Variants in FADS2 observed in about 807,000 individuals in gnomAD.
The protein encoded by FADS2 is acyl-CoA 6-desaturase.
FADS2 carries 18 observed loss-of-function variants against 61.2 expected under a neutral mutation model. The observed-to-expected ratio is 0.29, with a 90% CI of 0.20 to 0.44. The LOEUF (loss-of-function observed/expected upper bound fraction) is 0.44, where lower values mean the gene tolerates loss of function less well. FADS2 is among the 20% of genes least tolerant of loss of function. The pLI is 1.00. For synonymous variants in FADS2, 203 were observed against 223.9 expected, an observed-to-expected ratio of 0.91 and a Z score of 0.83; for missense variants, 322 against 572.7, an observed-to-expected ratio of 0.56 and a Z score of 4.47.
At chr11:61,864,894 C>G (rs1425925853) in intron 10 of FADS2, among the ~76,000 whole-genome samples, 1 of 152,150 alleles carries the variant, frequency 6.6e-6, no homozygotes, top group Admixed American at 6.5e-5. Flanking sequence ...AAAAACATGA[C>G]ACTTTGTCTC....
intron 1 of FADS2, among the ~76,000 whole-genome samples, chr11:61,835,720 C>T (rs1049211411): frequency 9.2e-5 from 14 of 152,128 alleles, no homozygotes; most frequent in African/African-American, 3.4e-4. Flanking sequence ...TGAAATTTTC[C>T]CAACATCCTT....
At position 61,866,284 on chromosome 11, in the gene FADS2, C is replaced by T; in HGVS notation, c.*595C>T. 1 of 315,926 alleles carries T rather than the reference C, an allele frequency of 3.2e-6. No individual in the cohort carries two copies. Among genetic ancestry groups the T allele is most frequent in the East Asian group, 4.9e-5 (1 of 20,364 alleles). The allele number at this position is 315,926 out of a possible 1,614,324, so 19.6% of individuals were successfully genotyped here. A position where few individuals can be genotyped will look rare whatever the true frequency, so the allele number is the denominator to read the frequency against. Reference sequence around the variant, plus strand: ...TACCCGAGGCCTCTCTTAAGATGTCCAGGGCCCCAGGCCCGCGGGCACAGC... The same window carrying T: ...TACCCGAGGCCTCTCTTAAGATGTCTAGGGCCCCAGGCCCGCGGGCACAGC... On this transcript the variant is annotated 3_prime_UTR_variant, in exon 12 of 12. Coordinates refer to ENST00000278840, the MANE Select transcript of FADS2 (RefSeq NM_004265.4).
At chr11:61,819,183 G>C (rs1241400372) in intron 1 of FADS2, among the ~76,000 whole-genome samples, 1 of 151,954 alleles carries the variant, frequency 6.6e-6, no homozygotes, top group Non-Finnish European at 1.5e-5. Context: ...CAGAATTTAG[G>C]AATGTTTTGA....
intron 5 of FADS2, among the ~76,000 whole-genome samples, chr11:61,850,421 T>A (rs1409584329): frequency 6.6e-6 from 1 of 152,082 alleles, no homozygotes; most frequent in Non-Finnish European, 1.5e-5. Context: ...TGGCTAATTT[T>A]CTCATTTTTA....
At chr11:61,860,185 T>C (rs1034529033) in intron 7 of FADS2, among the ~76,000 whole-genome samples, 4 of 152,232 alleles carry the variant, frequency 2.6e-5, no homozygotes, top group African/African-American at 9.6e-5. Context: ...AGGGTGCTAC[T>C]GGCATCTGGT....
intron 1 of FADS2, chr11:61,817,021 G>C: frequency 7.6e-7 from 1 of 1,317,354 alleles, no homozygotes; most frequent in Non-Finnish European, 9.7e-7. Flanking sequence ...GCCCCCTCGC[G>C]GGCTCCCTAA....
chr11:61,863,279 C>T lies in FADS2; in HGVS notation c.981-3C>T. On this transcript the variant is annotated splice_polypyrimidine_tract_variant and splice_region_variant and intron_variant, in intron 8 of 11. Transcript: ENST00000278840. The stretch of plus-strand genomic sequence containing the variant: ...CCCTGCGCTGAGCTGTGTTCTCTTG[C>T]AGGTTCCTGGAGAGCCACTGGTTTG... The T allele has an allele frequency of 6.2e-7, 1 of 1,612,540 alleles. No individual in the cohort carries two copies. Among genetic ancestry groups the T allele is most frequent in the Non-Finnish European group, 8.5e-7 (1 of 1,178,722 alleles).
intron 4 of FADS2, among the ~76,000 whole-genome samples, chr11:61,844,817 C>CG (rs1323981253): frequency 1.3e-5 from 2 of 149,238 alleles, no homozygotes; most frequent in Non-Finnish European, 3.0e-5. Flanking sequence ...CCCAGCTGCT[C>CG]GGGAGGCTGA....
chr11:61,840,786 G>T, intron 4 of FADS2, 61 bp downstream of exon 4: 1 of 1,272,606 alleles, frequency 7.9e-7, no homozygotes, highest in South Asian at 1.2e-5. Flanking sequence ...AGAGGGACCA[G>T]GATTCCTCTC....
rs1307191813 is a variant in FADS2, at chr11:61,853,285, TCCC to T, written c.745-3725_745-3723del. On this transcript the variant is annotated intron_variant, in intron 5 of 11. Transcript: ENST00000278840. ...TCTCTCCCTCCCTCCCTTCCCTCCC[TCCC>T]TCCCTTCCTTCCTTCCTTCCTTCCT... is the stretch of plus-strand genomic sequence containing the variant. Among the ~76,000 whole-genome samples the T allele has an allele frequency of 1.4e-3, 106 of 77,448 alleles. 4 individuals carry two copies. Among genetic ancestry groups the T allele is most frequent in the Admixed American group, 5.9e-3 (38 of 6,394 alleles). The allele number at this position is 77,448 out of a possible 152,430, so 50.8% of individuals were successfully genotyped here.
chr11:61,863,183 C>T (rs2067432389), intron 8 of FADS2, 99 bp from the exon 9 acceptor site: 3 of 1,435,942 alleles, frequency 2.1e-6, no homozygotes, highest in Non-Finnish European at 2.9e-6. Context: ...CATCCTGGCC[C>T]CTTGGCAGGG....
intron 10 of FADS2, chr11:61,864,038 A>G: frequency 2.1e-6 from 1 of 485,534 alleles, no homozygotes; most frequent in East Asian, 3.0e-5. Context: ...ACCTCCCTCC[A>G]TGTGGGCCTG....
At chr11:61,847,664 G>A (rs1314104821) in intron 4 of FADS2, 1 of 160,254 alleles carries the variant, frequency 6.2e-6, no homozygotes, top group Non-Finnish European at 1.4e-5. Context: ...TGCTCTTCTG[G>A]TTCTTTTGAA....
In FADS2 at chr11:61,816,627, G is replaced by A. The variant is rs368350323; in HGVS notation, c.141+201G>A. ...GATGCCGGCGGGTGAACTCGCTGAT[G>A]TTGTACACCTTACGGTCGATCACTA... On this transcript the variant is annotated intron_variant, in intron 1 of 11. Coordinates refer to the FADS2 transcript ENST00000257261. The surrounding 1 kb of genome is among the most constrained non-coding windows in gnomAD (Gnocchi z 7.0). The A allele has an allele frequency of 1.2e-6, 2 of 1,603,996 alleles. No homozygotes were observed. The highest frequency in any genetic ancestry group is 2.2e-5 in the South Asian group (2 of 89,806).
chr11:61,852,171 G>C (rs1023374010), intron 5 of FADS2, among the ~76,000 whole-genome samples: 2 of 152,124 alleles, frequency 1.3e-5, no homozygotes, highest in African/African-American at 4.8e-5. Context: ...GATGACTTGG[G>C]GGCCACACTC....
chr11:61,862,840 C>G, intron 7 of FADS2, 132 bp from the exon 8 acceptor site: 1 of 718,298 alleles, frequency 1.4e-6, no homozygotes, highest in Admixed American at 2.1e-5. Flanking sequence ...GTGTAGTTGC[C>G]CATTGCATTT....
intron 5 of FADS2, among the ~76,000 whole-genome samples, chr11:61,853,237 CTT>C (rs780667852): frequency 0.11 from 15,492 of 146,922 alleles, 1,521 homozygotes; most frequent in East Asian, 0.41. Flanking sequence ...TCTTCTCTTT[CTT>C]TCTTTCTCTC....
chr11:61,835,779 A>G (rs1425847570), intron 1 of FADS2, among the ~76,000 whole-genome samples: 1 of 152,060 alleles, frequency 6.6e-6, no homozygotes, highest in Non-Finnish European at 1.5e-5. Context: ...ACCAAGATTC[A>G]CTAGTCTTAA....
intron 1 of FADS2, among the ~76,000 whole-genome samples, chr11:61,829,552 T>C (rs2135954061): frequency 6.6e-6 from 1 of 152,286 alleles, no homozygotes; most frequent in African/African-American, 2.4e-5. Context: ...ATCCTGGCAT[T>C]TATTTAAGGA....
Sources: gnomAD v4.1 joint callset for allele counts (sites outside exome capture counted in the v4.1 genomes callset) on GRCh38, gnomAD v4.1.1 for gene constraint, Gnocchi (gnomAD v3.1) non-coding constraint, MANE v1.5 for transcripts, NCBI Gene and HGNC (gene_info 2026-07-23, HGNC 2026-07-21) for gene names.